The following MCCC1 variants were observed in gnomAD, a reference collection of about 807,000 sequenced individuals.
The protein encoded by MCCC1 is methylcrotonyl-CoA carboxylase subunit 1, also known as methylcrotonoyl-CoA carboxylase subunit alpha, mitochondrial.
A neutral mutation model predicts 83.8 loss-of-function variants in MCCC1; 64 were observed. The observed-to-expected ratio is 0.76, with a 90% CI of 0.62 to 0.94. MCCC1 has a LOEUF of 0.94. Ranked by LOEUF, MCCC1 falls within the 40% of genes least tolerant of loss-of-function variation. The probability of loss-of-function intolerance (pLI) is 0.00; values close to 1 mark genes in which losing one functional copy is unlikely to be tolerated. For synonymous variants in MCCC1, 322 were observed against 315.4 expected (o/e 1.02, Z -0.22); for missense variants, 807 against 904.7 (o/e 0.89, Z 1.39).
chr3:183,042,365 T>A (rs933642707), intron 10 of MCCC1, among the ~76,000 whole-genome samples: 3 of 152,252 alleles, frequency 2.0e-5, no homozygotes, highest in Non-Finnish European at 4.4e-5. Flanking sequence ...TTAGTTATTA[T>A]GTACCAATAC....
chr3:183,105,074 G>C (rs1719383857), intron 1 of MCCC1, among the ~76,000 whole-genome samples: 2 of 152,244 alleles, frequency 1.3e-5, no homozygotes, highest in African/African-American at 4.8e-5. Flanking sequence ...GCCGGGTGTG[G>C]TGGCTCACGC....
chr3:183,097,745 C>T (rs1376306587), intron 1 of MCCC1, among the ~76,000 whole-genome samples: 2 of 152,178 alleles, frequency 1.3e-5, no homozygotes, highest in East Asian at 3.8e-4. Flanking sequence ...CTCTAACACT[C>T]TCCAGAGTGA....
chr3:183,075,449 G>A lies in MCCC1; in HGVS notation c.370-2962C>T, dbSNP rs774361471. Among the ~76,000 whole-genome samples, 57 of 151,848 alleles carry A rather than the reference G, an allele frequency of 3.8e-4. 1 individual carries two copies. Among genetic ancestry groups the A allele is most frequent in the Middle Eastern group, 3.4e-3 (1 of 292 alleles). On this transcript the variant is annotated intron_variant, in intron 4 of 18. Coordinates refer to ENST00000265594, the MANE Select transcript of MCCC1 (RefSeq NM_020166.5). Reference sequence around the variant, plus strand: ...GTGTCTCATTGTGGTTTTGATTTGCGTTTCTCTAATGATCAGTGATATTGA... The same window carrying A: ...GTGTCTCATTGTGGTTTTGATTTGCATTTCTCTAATGATCAGTGATATTGA...
At chr3:183,080,168 G>C (rs1250318325) in intron 4 of MCCC1, among the ~76,000 whole-genome samples, 1 of 152,140 alleles carries the variant, frequency 6.6e-6, no homozygotes, top group East Asian at 1.9e-4. Flanking sequence ...GTAAATTTCT[G>C]CAGCCAGCTT....
chr3:183,068,151 G>C (rs1014608767), intron 7 of MCCC1, among the ~76,000 whole-genome samples: 1 of 152,180 alleles, frequency 6.6e-6, no homozygotes, highest in Non-Finnish European at 1.5e-5. Flanking sequence ...ATTTGAACCA[G>C]AGCAACTCCC....
chr3:183,026,662 A>G lies in MCCC1; in HGVS notation c.1682-858T>C, dbSNP rs751518966. Among the ~76,000 whole-genome samples, 24 of 152,160 alleles carry G rather than the reference A, an allele frequency of 1.6e-4. 1 individual carries two copies. Among genetic ancestry groups the G allele is most frequent in the Non-Finnish European group, 3.2e-4 (22 of 68,028 alleles). ...GAGGTGGAGGTTGCAGTGAGCTGAG[A>G]TCGCACCACTGCACTCCAGCCTGGG... On this transcript the variant is annotated intron_variant, in intron 14 of 18. Transcript: ENST00000265594.
intron 4 of MCCC1, among the ~76,000 whole-genome samples, chr3:183,073,889 C>T (rs1405097495): frequency 6.6e-6 from 1 of 152,176 alleles, no homozygotes; most frequent in Non-Finnish European, 1.5e-5. Flanking sequence ...ATAAGGGTGA[C>T]TTGAACACAA....
At chr3:183,104,870 C>A (rs1200886145) in intron 1 of MCCC1, among the ~76,000 whole-genome samples, 9 of 152,220 alleles carry the variant, frequency 5.9e-5, no homozygotes, top group Non-Finnish European at 1.0e-4. Flanking sequence ...CACAACCATT[C>A]TGCATAGTAC....
At chr3:183,054,925 T>C (rs1715294912) in intron 8 of MCCC1, among the ~76,000 whole-genome samples, 1 of 152,198 alleles carries the variant, frequency 6.6e-6, no homozygotes, top group Non-Finnish European at 1.5e-5. Context: ...GTTTGTAGCC[T>C]AGGAGCAATG....
At chr3:183,079,107 A>AAAAT (rs1717298643) in intron 4 of MCCC1, among the ~76,000 whole-genome samples, 1 of 152,238 alleles carries the variant, frequency 6.6e-6, no homozygotes, top group Non-Finnish European at 1.5e-5. Flanking sequence ...GTGGGGACAC[A>AAAAT]GAACCAAACC....
chr3:183,037,958 C>T (rs1713764031), intron 12 of MCCC1, among the ~76,000 whole-genome samples: 1 of 152,052 alleles, frequency 6.6e-6, no homozygotes, highest in Non-Finnish European at 1.5e-5. Context: ...TAAAATTAAC[C>T]CAAATACACC....
intron 7 of MCCC1, among the ~76,000 whole-genome samples, chr3:183,069,532 C>T (rs1268956362): frequency 6.6e-6 from 1 of 151,978 alleles, no homozygotes; most frequent in Non-Finnish European, 1.5e-5. Flanking sequence ...ATGCTCAGGA[C>T]AGTTGTTTTA....
intron 15 of MCCC1, among the ~76,000 whole-genome samples, chr3:183,023,469 C>A (rs112944905): frequency 6.6e-6 from 1 of 152,054 alleles, no homozygotes; most frequent in African/African-American, 2.4e-5. Context: ...TAAAGATTCA[C>A]GAAAACACAT....
chr3:183,058,370 CT>C (rs1715581397), intron 7 of MCCC1, among the ~76,000 whole-genome samples: 2 of 152,158 alleles, frequency 1.3e-5, no homozygotes, highest in Admixed American at 1.3e-4. Flanking sequence ...AATCCCAGCA[CT>C]TTGGGAGGCC....
intron 7 of MCCC1, among the ~76,000 whole-genome samples, chr3:183,061,204 C>T (rs111500431): frequency 1.3e-5 from 2 of 152,046 alleles, no homozygotes; most frequent in Non-Finnish European, 2.9e-5. Flanking sequence ...GATTAAATCT[C>T]AAGTCTTTTA....
chr3:183,041,892 A>C (rs937473953), intron 10 of MCCC1, 142 bp from the exon 11 acceptor site: 1 of 959,782 alleles, frequency 1.0e-6, no homozygotes, highest in Non-Finnish European at 1.6e-6. Flanking sequence ...TATTTTGTCT[A>C]CTCATTTGAG....
At chr3:183,102,993 A>T (rs1014392614), upstream of MCCC1, among the ~76,000 whole-genome samples, 1 of 151,154 alleles carries the variant, frequency 6.6e-6, no homozygotes, top group East Asian at 1.9e-4. Context: ...TTGTGTCTGG[A>T]ATTGGTGGGT....
chr3:183,015,916 T>C (rs538488663), intron 18 of MCCC1, among the ~76,000 whole-genome samples: 4 of 151,368 alleles, frequency 2.6e-5, no homozygotes, highest in Non-Finnish European at 5.9e-5. Context: ...CTTTTGTTTT[T>C]TTTTTTTTGT....
intron 11 of MCCC1, 52 bp from the exon 12 acceptor site, chr3:183,039,187 A>C (rs1334497092): frequency 4.0e-6 from 6 of 1,512,492 alleles, no homozygotes; most frequent in Non-Finnish European, 5.5e-6. Flanking sequence ...GAAGGAATAA[A>C]ATACAACGAG....
Sources: gnomAD v4.1 joint callset for allele counts (sites outside exome capture counted in the v4.1 genomes callset) on GRCh38, gnomAD v4.1.1 for gene constraint, MANE v1.5 for transcripts, NCBI Gene and HGNC (gene_info 2026-07-23, HGNC 2026-07-21) for gene names.